PHF20: variants seen among roughly 807,000 people sequenced by gnomAD.
The protein encoded by PHF20 is PHD finger protein 20.
In PHF20, 23 loss-of-function variants were observed where a neutral mutation model predicts 113.5. The observed-to-expected ratio is 0.20, with a 90% CI of 0.15 to 0.29. The LOEUF (loss-of-function observed/expected upper bound fraction) is 0.29. Ranked by LOEUF, PHF20 falls within the 10% of genes least tolerant of loss-of-function variation. The pLI is 1.00. For missense variants in PHF20, 943 were observed against 1,219.6 expected (o/e 0.77, Z 3.38); for synonymous variants, 434 against 457.3 (o/e 0.95, Z 0.65).
At chr20:35,869,608 C>T (rs2054381961) in intron 7 of PHF20, 57 bp downstream of exon 7, 10 of 888,984 alleles carry the variant, frequency 1.1e-5, no homozygotes, top group Non-Finnish European at 1.7e-5. Context: ...GGGTCAACTT[C>T]CTCTATATTC....
chr20:35,907,570 T>C (rs968090839), intron 10 of PHF20, among the ~76,000 whole-genome samples: 5 of 152,336 alleles, frequency 3.3e-5, no homozygotes, highest in South Asian at 2.1e-4. Flanking sequence ...CAGCTGACAT[T>C]TGAGTACTTC....
chr20:35,790,223 C>T (rs1455751087), intron 1 of PHF20, among the ~76,000 whole-genome samples: 5 of 150,836 alleles, frequency 3.3e-5, no homozygotes, highest in South Asian at 2.1e-4. Context: ...TTTTTTTTGA[C>T]GGAGTCTCGC....
chr20:35,809,219 G>T (rs1000361652), intron 2 of PHF20, among the ~76,000 whole-genome samples: 1 of 151,456 alleles, frequency 6.6e-6, no homozygotes, highest in South Asian at 2.1e-4. Context: ...TTGTACTCCA[G>T]CCTGGGCGAC....
intron 2 of PHF20, among the ~76,000 whole-genome samples, chr20:35,814,886 A>AAT (rs1555789372): frequency 1.4e-5 from 2 of 146,054 alleles, no homozygotes; most frequent in African/African-American, 2.6e-5. Context: ...AAAAAAAAAA[A>AAT]AAAATAAAAT....
At chr20:35,894,963 T>G (rs1160700325) in intron 9 of PHF20, among the ~76,000 whole-genome samples, 3 of 152,148 alleles carry the variant, frequency 2.0e-5, no homozygotes, top group Non-Finnish European at 4.4e-5. Context: ...CAAGTGATTC[T>G]CCTGCCTCGG....
intron 2 of PHF20, among the ~76,000 whole-genome samples, chr20:35,811,531 C>T (rs1039290749): frequency 6.6e-6 from 1 of 151,880 alleles, no homozygotes; most frequent in South Asian, 2.1e-4. Context: ...CAACCTCTGC[C>T]TCCCTGGTAC....
rs528838787 is a variant in PHF20 at position 35,881,747 on chromosome 20, A to G, written c.1282+9918A>G. On this transcript the variant is annotated intron_variant, in intron 9 of 17. Transcript: ENST00000374012. ...ATTGAAAAAATATTCATAAATTTGA[A>G]AAGAACTCCAGAAATATACAAGGAT... Among the ~76,000 whole-genome samples, 36 of 152,322 alleles carry G rather than the reference A, an allele frequency of 2.4e-4. 1 individual carries two copies. In the Middle Eastern group the frequency reaches 0.017, roughly 72 times the overall value.
chr20:35,864,996 G>C (rs1480473978), intron 6 of PHF20, among the ~76,000 whole-genome samples: 1 of 152,052 alleles, frequency 6.6e-6, no homozygotes, highest in South Asian at 2.1e-4. Context: ...GACCAGCCTG[G>C]CCAACATGGT....
intron 1 of PHF20, among the ~76,000 whole-genome samples, chr20:35,792,083 G>C (rs372275639): frequency 2.0e-5 from 3 of 152,162 alleles, no homozygotes; most frequent in Non-Finnish European, 2.9e-5. Context: ...ACTCATGTTT[G>C]CTGTCTCTTT....
At chr20:35,935,184 TTA>T (rs1211371772) in intron 15 of PHF20, among the ~76,000 whole-genome samples, 2 of 152,112 alleles carry the variant, frequency 1.3e-5, no homozygotes, top group Non-Finnish European at 2.9e-5. Context: ...CTCGACAGTC[TTA>T]ATAGGGCTGA....
chr20:35,850,063 A>G (rs2042691954), intron 4 of PHF20, among the ~76,000 whole-genome samples: 1 of 152,316 alleles, frequency 6.6e-6, no homozygotes, highest in Admixed American at 6.5e-5. Flanking sequence ...AAAATAGGGC[A>G]TATAATGCCA....
At chr20:35,926,829 GCCA>G (rs2055648987) in intron 13 of PHF20, among the ~76,000 whole-genome samples, 1 of 152,146 alleles carries the variant, frequency 6.6e-6, no homozygotes. Flanking sequence ...AGGCTGGTGG[GCCA>G]CCATCAAGGT....
At chr20:35,813,675 T>A (rs1480450927) in intron 2 of PHF20, among the ~76,000 whole-genome samples, 1 of 152,166 alleles carries the variant, frequency 6.6e-6, no homozygotes, top group Non-Finnish European at 1.5e-5. Flanking sequence ...CTGGTCAACA[T>A]AGTGAAACCC....
chr20:35,901,440 T>G (rs1291689490), intron 10 of PHF20, among the ~76,000 whole-genome samples: 1 of 149,496 alleles, frequency 6.7e-6, no homozygotes, highest in African/African-American at 2.5e-5. Flanking sequence ...AAAGTGTGCT[T>G]AAAACATATA....
chr20:35,945,147 G>A (rs1371232105), intron 17 of PHF20, among the ~76,000 whole-genome samples: 1 of 152,166 alleles, frequency 6.6e-6, no homozygotes, highest in Non-Finnish European at 1.5e-5. Context: ...TGATGGAGGA[G>A]GATAAACTAC....
intron 2 of PHF20, among the ~76,000 whole-genome samples, chr20:35,834,858 G>A (rs910693169): frequency 6.6e-6 from 1 of 152,178 alleles, no homozygotes; most frequent in Admixed American, 6.5e-5. Flanking sequence ...TGTGACTTGA[G>A]TTTGAAACAT....
intron 10 of PHF20, among the ~76,000 whole-genome samples, chr20:35,904,452 T>A (rs544046682): frequency 1.3e-5 from 2 of 151,864 alleles, no homozygotes; most frequent in South Asian, 4.2e-4. Flanking sequence ...ACCCAGCTAA[T>A]TTTTGTATTT....
intron 9 of PHF20, among the ~76,000 whole-genome samples, chr20:35,892,647 TG>T (rs1396608324): frequency 1.3e-5 from 2 of 152,236 alleles, no homozygotes; most frequent in East Asian, 3.8e-4. Flanking sequence ...ATCTACTTTT[TG>T]ATTTGTGGTT....
At chr20:35,906,902 G>A (rs1401034935) in intron 10 of PHF20, among the ~76,000 whole-genome samples, 4 of 152,048 alleles carry the variant, frequency 2.6e-5, no homozygotes, top group Non-Finnish European at 5.9e-5. Context: ...TCCTGGGTTG[G>A]TATCTGGGTG....
Sources: gnomAD v4.1 joint callset for allele counts (sites outside exome capture counted in the v4.1 genomes callset) on GRCh38, gnomAD v4.1.1 for gene constraint, MANE v1.5 for transcripts, NCBI Gene and HGNC (gene_info 2026-07-23, HGNC 2026-07-21) for gene names.